Variants in CCDC33 observed in about 807,000 individuals in gnomAD.
The protein encoded by CCDC33 is coiled-coil domain containing 33.
In CCDC33, 94 loss-of-function variants were observed where a neutral mutation model predicts 91.9. The ratio of observed to expected loss-of-function variants is 1.02; its 90% confidence interval spans 0.87 to 1.21. CCDC33 has a LOEUF of 1.21. Ranked by LOEUF, CCDC33 falls within the 50% of genes most tolerant of loss-of-function variation. The pLI is 0.00. For missense variants in CCDC33, 940 were observed against 935.5 expected (o/e 1.00, Z -0.06); for synonymous variants, 396 against 374.5 (o/e 1.06, Z -0.66).
intron 10 of CCDC33, among the ~76,000 whole-genome samples, chr15:74,291,987 C>T (rs149610981): frequency 4.6e-5 from 7 of 152,340 alleles, no homozygotes; most frequent in African/African-American, 1.2e-4. Flanking sequence ...TGAGCTAGTG[C>T]GTGGCCATGC....
At chr15:74,305,944 G>GTT (rs2059886271) in intron 11 of CCDC33, among the ~76,000 whole-genome samples, 1 of 152,134 alleles carries the variant, frequency 6.6e-6, no homozygotes, top group Non-Finnish European at 1.5e-5. Flanking sequence ...CCCGCCTCTT[G>GTT]AGGCTTTTCA....
intron 2 of CCDC33, among the ~76,000 whole-genome samples, chr15:74,246,013 G>A (rs990165803): frequency 6.6e-6 from 1 of 152,206 alleles, no homozygotes; most frequent in Non-Finnish European, 1.5e-5. Flanking sequence ...AAACCCCAGA[G>A]GGAGGATCCA....
At chr15:74,212,548 G>T (rs28416908), upstream of CCDC33, 1 of 152,258 alleles carries the variant, frequency 6.6e-6, no homozygotes, top group African/African-American at 2.4e-5. Flanking sequence ...TGGCACTGGC[G>T]TGGCAGACAG....
At chr15:74,230,877 G>A (rs754618978) in intron 2 of CCDC33, among the ~76,000 whole-genome samples, 9 of 152,296 alleles carry the variant, frequency 5.9e-5, no homozygotes, top group East Asian at 1.9e-4. Flanking sequence ...CCCTCACTCC[G>A]GTGCCTGGCA....
Position 74,244,149 on chromosome 15 carries a change from G to A in CCDC33, c.185+1G>A, listed in dbSNP as rs910122456. On this transcript the variant is annotated splice_donor_variant, in intron 2 of 18. Transcript: ENST00000398814. LOFTEE classifies it high-confidence loss of function. This position sits in a 1 kb window ranked among gnomAD's most constrained non-coding sequence, Gnocchi z 4.2. The stretch of plus-strand genomic sequence containing the variant: ...CCGAGCCGTGGCCCTATGTGGTGGT[G>A]TAAGTAGCTGCGTGAGAGTGGGGGC... 5 of 1,606,914 alleles carry A rather than the reference G, an allele frequency of 3.1e-6. No individual in the cohort carries two copies. The South Asian group carries it at 3.3e-5, about 11-fold the overall frequency.
At position 74,334,991 on chromosome 15, in the gene CCDC33, G is replaced by A. The variant is rs767348207; in HGVS notation, c.2042G>A (p.Arg681Gln). Residue 681 changes from arginine to glutamine, a missense_variant, in exon 18 of 19, where the codon CGA becomes CAA. By Grantham distance (43) the Arg-to-Gln change is conservative. Transcript: ENST00000398814. ...TGTCTGCAGTTAGAGGACTCAGCTC[G>A]ACGCTGGGGACGAGAGAAGCAGGAT... is the stretch of plus-strand genomic sequence containing the variant. Reference protein sequence around the residue: ...SLESQLEDSARRWGREKQDLA... With the variant: ...SLESQLEDSAQRWGREKQDLA... 9.9e-6 allele frequency: 16 copies of A among 1,613,922 alleles called. No individual in the cohort carries two copies. In the East Asian group the frequency reaches 1.3e-4, roughly 13 times the overall value.
intron 11 of CCDC33, among the ~76,000 whole-genome samples, chr15:74,325,425 A>G (rs1363101111): frequency 6.6e-6 from 1 of 151,996 alleles, no homozygotes; most frequent in East Asian, 1.9e-4. Context: ...GAGTGAGCTC[A>G]GGCTATCACC....
intron 10 of CCDC33, among the ~76,000 whole-genome samples, chr15:74,291,909 A>G (rs764691286): frequency 4.6e-5 from 7 of 152,216 alleles, no homozygotes; most frequent in Non-Finnish European, 8.8e-5. Context: ...CTTCTCCCCA[A>G]CCATGGCACT....
At chr15:74,217,611 A>G (rs2074479991) in intron 1 of CCDC33, 3 of 1,193,192 alleles carry the variant, frequency 2.5e-6, no homozygotes, top group Non-Finnish European at 3.2e-6. Flanking sequence ...TTTGGGGGAG[A>G]GAAAGACCCT....
intron 11 of CCDC33, chr15:74,318,783 G>T: frequency 3.1e-6 from 2 of 650,770 alleles, no homozygotes; most frequent in South Asian, 1.8e-5. Flanking sequence ...TGGGAGGCAG[G>T]GTGGAGAGGA....
intron 11 of CCDC33, among the ~76,000 whole-genome samples, chr15:74,323,297 A>T (rs1182379844): frequency 6.6e-6 from 1 of 152,094 alleles, no homozygotes; most frequent in African/African-American, 2.4e-5. Context: ...TTAAATTGTG[A>T]AATGTAACCC....
At chr15:74,315,622 G>A (rs569841267) in intron 11 of CCDC33, among the ~76,000 whole-genome samples, 2 of 152,368 alleles carry the variant, frequency 1.3e-5, no homozygotes, top group Admixed American at 6.5e-5. Flanking sequence ...ATTCAGAAAG[G>A]AAGCCAAGAA....
Position 74,272,890 on chromosome 15 carries a change from A to G in CCDC33, c.758A>G (p.Gln253Arg), listed in dbSNP as rs745921565. Residue 253 changes from glutamine (Q) to arginine (R), a missense_variant and splice_region_variant, in exon 7 of 19, where the codon CAG becomes CGG. Transcript: ENST00000398814. ...CGCGTCAGCCAGAACGGATGCCCTC[A>G]GGTATGTCTCCTCCCCAGTGGTTCC... ...VPRVSQNGCP[Q>R]LSKPGGPPEQ... 3.1e-6 allele frequency: 5 copies of G among 1,614,170 alleles called. No homozygotes were observed. In the South Asian group the frequency reaches 4.4e-5, roughly 14 times the overall value.
In CCDC33 at chr15:74,243,027, C is replaced by G. The variant is rs904986586; in HGVS notation, c.22-958C>G. The stretch of plus-strand genomic sequence containing the variant: ...CCGCCTCAGCCGGCCAGGGCTTTGT[C>G]TTCTCTCAGCAGCTCTCGTTAAGAT... On this transcript the variant is annotated intron_variant, in intron 1 of 18. Transcript: ENST00000398814. 7.2e-5 allele frequency among the ~76,000 whole-genome samples: 11 copies of G among 152,342 alleles called. No individual in the cohort carries two copies. In the South Asian group the frequency reaches 2.3e-3, roughly 32 times the overall value.
intron 18 of CCDC33, chr15:74,335,595 C>T: frequency 2.8e-6 from 1 of 354,432 alleles, no homozygotes. Flanking sequence ...CCCAGCCCCG[C>T]AAAGCAAAGA....
upstream of CCDC33, among the ~76,000 whole-genome samples, chr15:74,235,623 C>G (rs1331108850): frequency 6.6e-6 from 1 of 152,154 alleles, no homozygotes; most frequent in Non-Finnish European, 1.5e-5. Flanking sequence ...AGGCCAAGGA[C>G]TAGTCTCTCT....
At chr15:74,296,059 C>A (rs1442473267) in intron 11 of CCDC33, 111 bp downstream of exon 11, 1 of 899,206 alleles carries the variant, frequency 1.1e-6, no homozygotes, top group African/African-American at 1.7e-5. Context: ...CAGTAGACCT[C>A]CCTCCCCTTA....
At chr15:74,230,293 T>C (rs1264289147) in intron 2 of CCDC33, among the ~76,000 whole-genome samples, 3 of 152,134 alleles carry the variant, frequency 2.0e-5, no homozygotes, top group Admixed American at 1.3e-4. Flanking sequence ...TTGAGCCTAT[T>C]GTCCCCACCC....
At chr15:74,256,654 A>G (rs1163947578) in intron 2 of CCDC33, among the ~76,000 whole-genome samples, 1 of 152,212 alleles carries the variant, frequency 6.6e-6, no homozygotes, top group Non-Finnish European at 1.5e-5. Context: ...ATGACACTCC[A>G]AAGGCTGACA....
Sources: allele counts gnomAD v4.1 joint callset (sites outside exome capture counted in the v4.1 genomes callset), GRCh38; gene constraint gnomAD v4.1.1; non-coding constraint Gnocchi (gnomAD v3.1); transcripts MANE v1.5; gene names NCBI Gene and HGNC (gene_info 2026-07-23, HGNC 2026-07-21).